The following PDPK1 variants were observed in gnomAD, a reference collection of about 807,000 sequenced individuals.
PDPK1 encodes the protein 3-phosphoinositide dependent protein kinase 1, also known as 3-phosphoinositide-dependent protein kinase 1.
Under a neutral mutation model 39.8 loss-of-function variants are expected in PDPK1, and 7 were observed. The ratio of observed to expected loss-of-function variants is 0.18; its 90% confidence interval spans 0.10 to 0.33. The LOEUF is 0.33. PDPK1 is among the 10% of genes least tolerant of loss of function. The pLI is 1.00. For synonymous variants in PDPK1, 118 were observed against 159.1 expected (o/e 0.74, Z 1.95); for missense variants, 182 against 384.7 (o/e 0.47, Z 4.41).
At chr16:2,545,354 CAG>C (rs1328431857) in intron 1 of PDPK1, among the ~76,000 whole-genome samples, 1 of 150,486 alleles carries the variant, frequency 6.6e-6, no homozygotes, top group Admixed American at 6.6e-5. Flanking sequence ...TTTTTAGAGA[CAG>C]AGTTTTGCTC....
chr16:2,584,896 C>G (rs1292194360), intron 10 of PDPK1, among the ~76,000 whole-genome samples: 4 of 152,210 alleles, frequency 2.6e-5, no homozygotes, highest in African/African-American at 9.6e-5. Flanking sequence ...TGCCCCCACC[C>G]TGTGTGCCAC....
chr16:2,595,898 C>T, intron 12 of PDPK1, 48 bp downstream of exon 12: 2 of 1,449,868 alleles, frequency 1.4e-6, no homozygotes, highest in Non-Finnish European at 1.9e-6. Context: ...CTGCATCTTC[C>T]CCGACTCCAG....
At chr16:2,587,973 A>G (rs984753945) in intron 11 of PDPK1, among the ~76,000 whole-genome samples, 2 of 152,118 alleles carry the variant, frequency 1.3e-5, no homozygotes, top group Admixed American at 1.3e-4. Context: ...AGAGGAGCCC[A>G]AGGGGGTGGG....
intron 10 of PDPK1, among the ~76,000 whole-genome samples, chr16:2,585,459 A>G (rs1413403645): frequency 6.6e-6 from 1 of 152,168 alleles, no homozygotes; most frequent in Non-Finnish European, 1.5e-5. Flanking sequence ...CCCCTCCTTC[A>G]TGGGGAATGG....
At chr16:2,585,832 G>A (rs1241823688) in intron 10 of PDPK1, among the ~76,000 whole-genome samples, 1 of 152,234 alleles carries the variant, frequency 6.6e-6, no homozygotes, top group Non-Finnish European at 1.5e-5. Context: ...GTTGCGTGGG[G>A]CAGCAGCCAG....
At position 2,597,838 on chromosome 16, in the gene PDPK1, A is replaced by T; in HGVS notation, c.*71A>T. ...CAGCGCGGCTTGGCCGCCATCCGGG[A>T]CGCTTCCAGACCACCTGCCAGCCAT... On this transcript the variant is annotated 3_prime_UTR_variant, in exon 14 of 14. Transcript: ENST00000342085. This position sits in a 1 kb window ranked among gnomAD's most constrained non-coding sequence, Gnocchi z 6.3. 1.1e-6 allele frequency: 1 copy of T among 941,670 alleles called. No individual in the cohort carries two copies. The highest frequency in any genetic ancestry group is 1.7e-6 in the Non-Finnish European group (1 of 588,340). The allele number at this position is 941,670 out of a possible 1,614,324, so 58.3% of individuals were successfully genotyped here. A position where few individuals can be genotyped will look rare whatever the true frequency, so the allele number is the denominator to read the frequency against.
intron 10 of PDPK1, 41 bp from the exon 11 acceptor site, chr16:2,586,635 C>T (rs746003724): frequency 1.9e-6 from 3 of 1,558,160 alleles, no homozygotes; most frequent in Non-Finnish European, 2.7e-6. Flanking sequence ...ACCTTAGAGG[C>T]AAGTGAAGGT....
chr16:2,595,779 G>T lies in PDPK1; in HGVS notation c.1344-14G>T, dbSNP rs1406167122. On this transcript the variant is annotated splice_polypyrimidine_tract_variant and intron_variant, in intron 11 of 13. Coordinates refer to ENST00000342085, the MANE Select transcript of PDPK1 (RefSeq NM_002613.5). ...ATTGTCATGGGAGCATCTCTTTCTT[G>T]TTTCTTTCCACAGGCACCAGTTTGT... is the stretch of plus-strand genomic sequence containing the variant. 2 of 1,604,442 alleles carry T rather than the reference G, an allele frequency of 1.2e-6. No individual in the cohort carries two copies. The highest frequency in any genetic ancestry group is 1.7e-6 in the Non-Finnish European group (2 of 1,171,152).
chr16:2,590,165 G>T (rs1408956602), intron 11 of PDPK1, among the ~76,000 whole-genome samples: 1 of 152,082 alleles, frequency 6.6e-6, no homozygotes, highest in African/African-American at 2.4e-5. Context: ...CTGTCGCCCA[G>T]GCTGGAGTGC....
At chr16:2,591,075 G>T (rs2066980797) in intron 11 of PDPK1, among the ~76,000 whole-genome samples, 1 of 151,060 alleles carries the variant, frequency 6.6e-6, no homozygotes, top group African/African-American at 2.4e-5. Context: ...CATTTCTCCT[G>T]CCTCAGCCTC....
At chr16:2,539,125 G>T (rs1233084177) in intron 1 of PDPK1, 2 of 208,238 alleles carry the variant, frequency 9.6e-6, no homozygotes, top group East Asian at 3.1e-4. Flanking sequence ...CGACGCGCAG[G>T]CTGGAGTGCA....
intron 1 of PDPK1, among the ~76,000 whole-genome samples, chr16:2,544,515 CT>C (rs201910461): frequency 6.8e-4 from 104 of 152,330 alleles, no homozygotes; most frequent in African/African-American, 1.8e-3. Context: ...TATCCCTAGC[CT>C]TTTCACCTGG....
rs561226269 is a variant in PDPK1, at chr16:2,598,050, A to G, written c.*283A>G. The G allele has an allele frequency of 7.1e-5, 35 of 491,666 alleles. No individual in the cohort carries two copies. The highest frequency in any genetic ancestry group is 1.2e-4 in the Non-Finnish European group (33 of 272,284). The allele number at this position is 491,666 out of a possible 1,614,324, so 30.5% of individuals were successfully genotyped here. A position where few individuals can be genotyped will look rare whatever the true frequency, so the allele number is the denominator to read the frequency against. ...CTCGTTGCCGTGGGGACCCAGCTCC[A>G]TGCACGTCAACCCAGTCCCGCCCAG... On this transcript the variant is annotated 3_prime_UTR_variant, in exon 14 of 14. Coordinates refer to ENST00000342085, the MANE Select transcript of PDPK1 (RefSeq NM_002613.5).
intron 11 of PDPK1, among the ~76,000 whole-genome samples, chr16:2,591,526 A>G (rs912070768): frequency 6.6e-6 from 1 of 152,230 alleles, no homozygotes; most frequent in South Asian, 2.1e-4. Context: ...ATCCACAAAC[A>G]TCTACACTTA....
chr16:2,590,144 G>A (rs578022386), intron 11 of PDPK1, among the ~76,000 whole-genome samples: 5 of 151,812 alleles, frequency 3.3e-5, no homozygotes, highest in South Asian at 4.2e-4. Flanking sequence ...TTTTTGAGGC[G>A]GAGTCTCCCT....
intron 1 of PDPK1, chr16:2,538,992 G>A (rs2141929184): frequency 4.0e-6 from 1 of 247,130 alleles, no homozygotes; most frequent in African/African-American, 2.3e-5. Context: ...CGTCTACATG[G>A]CTTTAACATT....
rs1223668862 is a variant in PDPK1, at chr16:2,538,679, G to A, written c.24+543G>A. On this transcript the variant is annotated intron_variant, in intron 1 of 13. Coordinates refer to ENST00000342085, the MANE Select transcript of PDPK1 (RefSeq NM_002613.5). ...CACGGCCCGGCCAAGGGGCATTTGG[G>A]TGCTTTTGCTGCCCGTGGCTGTGCT... 1.5e-5 allele frequency: 19 copies of A among 1,288,550 alleles called. No individual in the cohort carries two copies. The South Asian group carries it at 2.0e-4, about 13-fold the overall frequency. The allele number at this position is 1,288,550 out of a possible 1,614,324, so 79.8% of individuals were successfully genotyped here.
At chr16:2,556,618 T>G in intron 1 of PDPK1, among the ~76,000 whole-genome samples, 1 of 136,060 alleles carries the variant, frequency 7.3e-6, no homozygotes, top group African/African-American at 3.0e-5. Flanking sequence ...CTCCCGCCTC[T>G]GCCTCCCAAA....
In PDPK1 at chr16:2,592,012, G is replaced by A. The variant is rs111982247; in HGVS notation, c.1344-3781G>A. ...CCGTCCGCCATTGCCACTGGCTCCC[G>A]CCCTTACTGGCAGTGAAGCTGAGCC... On this transcript the variant is annotated intron_variant, in intron 11 of 13. Coordinates refer to ENST00000342085, the MANE Select transcript of PDPK1 (RefSeq NM_002613.5). Among the ~76,000 whole-genome samples the A allele has an allele frequency of 6.6e-5, 10 of 152,298 alleles. 1 individual carries two copies. Among genetic ancestry groups the A allele is most frequent in the African/African-American group, 1.7e-4 (7 of 41,572 alleles).
Sources: allele counts gnomAD v4.1 joint callset (sites outside exome capture counted in the v4.1 genomes callset), GRCh38; gene constraint gnomAD v4.1.1; non-coding constraint Gnocchi (gnomAD v3.1); transcripts MANE v1.5; gene names NCBI Gene and HGNC (gene_info 2026-07-23, HGNC 2026-07-21).